The following NVL variants were observed in gnomAD, a reference collection of about 807,000 sequenced individuals.
NVL encodes nuclear valosin-containing protein-like.
A neutral mutation model predicts 110.2 loss-of-function variants in NVL; 84 were observed. The ratio of observed to expected loss-of-function variants is 0.76; its 90% CI spans 0.64 to 0.91. NVL has a LOEUF of 0.91. NVL is among the 40% of genes least tolerant of loss of function. The pLI is 0.00. For missense variants in NVL, 882 were observed against 1,035.9 expected (o/e 0.85, Z 2.04); for synonymous variants, 354 against 361.1 (o/e 0.98, Z 0.22).
chr1:224,305,256 T>C, intron 6 of NVL, 90 bp from the exon 7 acceptor site: 1 of 1,306,994 alleles, frequency 7.7e-7, no homozygotes, highest in Non-Finnish European at 1.0e-6. Context: ...GTAAAGAAAA[T>C]TCATTCCTGC....
intron 22 of NVL, among the ~76,000 whole-genome samples, chr1:224,228,969 G>T (rs1659542160): frequency 6.9e-6 from 1 of 144,212 alleles, no homozygotes; most frequent in Non-Finnish European, 1.5e-5. Flanking sequence ...ATGTTTTCCA[G>T]TGTGGTTGTA....
intron 19 of NVL, among the ~76,000 whole-genome samples, chr1:224,237,886 G>A (rs994014867): frequency 4.6e-5 from 7 of 151,000 alleles, no homozygotes; most frequent in African/African-American, 7.3e-5. Context: ...CCCGGGAGGT[G>A]GAGGCTGTAG....
At chr1:224,295,330 C>T (rs1227159326) in intron 11 of NVL, among the ~76,000 whole-genome samples, 4 of 152,000 alleles carry the variant, frequency 2.6e-5, no homozygotes, top group African/African-American at 9.7e-5. Context: ...GTACCTGGGA[C>T]TACAGGCGCC....
chr1:224,230,996 G>A (rs1175477285), intron 22 of NVL, among the ~76,000 whole-genome samples: 1 of 152,040 alleles, frequency 6.6e-6, no homozygotes, highest in South Asian at 2.1e-4. Context: ...AGCCGGGGAT[G>A]GTGGCGGGCA....
intron 17 of NVL, among the ~76,000 whole-genome samples, chr1:224,273,042 A>C (rs12065148): frequency 2.2e-5 from 2 of 88,966 alleles, no homozygotes; most frequent in African/African-American, 7.4e-5. Flanking sequence ...TCAAAAAAAA[A>C]CAAAAAAAAC....
chr1:224,233,688 G>A (rs1265697641), intron 20 of NVL, among the ~76,000 whole-genome samples: 4 of 152,176 alleles, frequency 2.6e-5, no homozygotes, highest in African/African-American at 9.7e-5. Context: ...GAGCCCGGGA[G>A]GTGGCGGTTG....
At chr1:224,268,754 G>C (rs1664750920) in intron 17 of NVL, among the ~76,000 whole-genome samples, 2 of 152,114 alleles carry the variant, frequency 1.3e-5, no homozygotes, top group African/African-American at 2.4e-5. Context: ...CATCTCCCAG[G>C]TTCAAGCAAT....
chr1:224,286,180 G>T, intron 14 of NVL, 50 bp from the exon 15 acceptor site: 1 of 1,294,718 alleles, frequency 7.7e-7, no homozygotes, highest in Non-Finnish European at 1.1e-6. Context: ...ATTTTATACT[G>T]CAGGTTCAAA....
At chr1:224,290,619 G>A (rs934404650) in intron 12 of NVL, among the ~76,000 whole-genome samples, 6 of 152,162 alleles carry the variant, frequency 3.9e-5, no homozygotes, top group African/African-American at 9.6e-5. Context: ...TGGCTAACAC[G>A]GTGAAACCCC....
At chr1:224,311,012 C>T (rs752559323) in intron 5 of NVL, among the ~76,000 whole-genome samples, 21 of 151,994 alleles carry the variant, frequency 1.4e-4, no homozygotes, top group Non-Finnish European at 2.5e-4. Context: ...GGATTACAGA[C>T]GTGAGCCATA....
chr1:224,316,545 G>A (rs530079906), intron 4 of NVL, among the ~76,000 whole-genome samples: 9 of 119,612 alleles, frequency 7.5e-5, no homozygotes, highest in African/African-American at 2.8e-4. Context: ...AGGTGTGGTA[G>A]CATGTGCCTG....
chr1:224,307,148 A>G (rs116792684), intron 6 of NVL, among the ~76,000 whole-genome samples: 1,844 of 152,264 alleles, frequency 0.012, 34 homozygotes, highest in African/African-American at 0.039. Flanking sequence ...TTTACATTCT[A>G]TTTTTTTAGT....
At chr1:224,249,231 C>G (rs1283261491) in intron 19 of NVL, among the ~76,000 whole-genome samples, 1 of 152,094 alleles carries the variant, frequency 6.6e-6, no homozygotes, top group Non-Finnish European at 1.5e-5. Flanking sequence ...GCAACCTCCA[C>G]TTCTTGGGCT....
Position 224,274,035 on chromosome 1 carries a change from A to AACACACACAC in NVL, c.2082+1294_2082+1303dup, listed in dbSNP as rs1224878158. On this transcript the variant is annotated intron_variant, in intron 17 of 22. Transcript: ENST00000281701. The stretch of plus-strand genomic sequence containing the variant: ...ATGTAATAATGTTTTATGACCTAAC[A>AACACACACAC]ACACACACACACACACACACACACC... 4.3e-3 allele frequency among the ~76,000 whole-genome samples: 627 copies of AACACACACAC among 145,472 alleles called. 7 individuals carry two copies. The highest frequency in any genetic ancestry group is 0.022 in the East Asian group (111 of 5,014).
At position 224,320,868 on chromosome 1, in the gene NVL, G is replaced by A. The variant is rs540625553; in HGVS notation, c.132-2938C>T. On this transcript the variant is annotated intron_variant, in intron 2 of 22. Coordinates refer to ENST00000281701, the MANE Select transcript of NVL (RefSeq NM_002533.4). The stretch of plus-strand genomic sequence containing the variant: ...GGGTCTCACTATGTTGTCTAAGCTC[G>A]TCTGGGTCAGTTTTTCTTAAATGTG... 2.0e-4 allele frequency among the ~76,000 whole-genome samples: 31 copies of A among 152,154 alleles called. 1 individual carries two copies. Among genetic ancestry groups the A allele is most frequent in the Admixed American group, 1.8e-3 (27 of 15,274 alleles).
chr1:224,259,321 C>G (rs753431870), intron 18 of NVL, among the ~76,000 whole-genome samples: 1 of 152,114 alleles, frequency 6.6e-6, no homozygotes, highest in Non-Finnish European at 1.5e-5. Context: ...AAACTCCTGG[C>G]CTCAAGTGGT....
intron 22 of NVL, among the ~76,000 whole-genome samples, chr1:224,229,098 C>A (rs370553179): frequency 6.6e-6 from 1 of 151,444 alleles, no homozygotes; most frequent in Non-Finnish European, 1.5e-5. Context: ...AGTTGGAGAC[C>A]AGGCTGACCA....
intron 19 of NVL, 30 bp from the exon 20 acceptor site, chr1:224,236,612 T>C: frequency 6.3e-7 from 1 of 1,579,360 alleles, no homozygotes; most frequent in South Asian, 1.1e-5. Flanking sequence ...GATTTTTCAT[T>C]GGAGCTTTAA....
In NVL at chr1:224,227,623, A is replaced by G; in HGVS notation, c.*3T>C. ...AGCTCCTCTAAGCCGGCTGCTGGAGACATCACCGGCTGAGGGACTCCTGCA... is the reference window on the plus strand; with the variant it reads ...AGCTCCTCTAAGCCGGCTGCTGGAGGCATCACCGGCTGAGGGACTCCTGCA... On this transcript the variant is annotated 3_prime_UTR_variant, in exon 23 of 23. Transcript: ENST00000281701. 1 of 1,610,236 alleles carries G rather than the reference A, an allele frequency of 6.2e-7. No homozygotes were observed. The highest frequency in any genetic ancestry group is 8.5e-7 in the Non-Finnish European group (1 of 1,177,634).
Sources: allele counts gnomAD v4.1 joint callset (sites outside exome capture counted in the v4.1 genomes callset), GRCh38; gene constraint gnomAD v4.1.1; transcripts MANE v1.5; gene names NCBI Gene and HGNC (gene_info 2026-07-23, HGNC 2026-07-21).